The following DPP10 variants were observed in gnomAD, a reference collection of about 807,000 sequenced individuals.
The protein encoded by DPP10 is dipeptidyl peptidase like 10, also known as inactive dipeptidyl peptidase 10.
Under a neutral mutation model 120.9 loss-of-function variants are expected in DPP10, and 33 were observed. That is an observed-to-expected ratio of 0.27 (90% confidence interval 0.21 to 0.37). The LOEUF is 0.37. Among genes scored for constraint, DPP10 ranks in the 10% least tolerant of loss-of-function variants. The pLI is 1.00. For missense variants in DPP10, 816 were observed against 942.8 expected, an observed-to-expected ratio of 0.87 and a Z score of 1.76; for synonymous variants, 337 against 326.1, an observed-to-expected ratio of 1.03 and a Z score of -0.36.
intron 1 of DPP10, among the ~76,000 whole-genome samples, chr2:114,879,658 G>T (rs1574403211): frequency 6.6e-6 from 1 of 151,876 alleles, no homozygotes; most frequent in Non-Finnish European, 1.5e-5. Flanking sequence ...TGGGGGTCTT[G>T]GTGTCTTTGT....
At chr2:115,813,904 AG>A (rs1686941242) in intron 19 of DPP10, among the ~76,000 whole-genome samples, 2 of 152,206 alleles carry the variant, frequency 1.3e-5, no homozygotes, top group Admixed American at 6.5e-5. Flanking sequence ...AGATCCTTTC[AG>A]GGTTGGATGT....
At chr2:115,128,413 T>G (rs1479718222) in intron 1 of DPP10, among the ~76,000 whole-genome samples, 1 of 152,154 alleles carries the variant, frequency 6.6e-6, no homozygotes, top group Non-Finnish European at 1.5e-5. Context: ...CTAATTGCAA[T>G]TGCACTTAAA....
chr2:115,275,707 T>C (rs982149550), intron 1 of DPP10, among the ~76,000 whole-genome samples: 8 of 148,068 alleles, frequency 5.4e-5, no homozygotes, highest in South Asian at 2.1e-4. Context: ...TTTTCTTTTT[T>C]TTTTTTTTTT....
chr2:115,740,349 G>T (rs1420807145), intron 9 of DPP10, among the ~76,000 whole-genome samples: 3 of 151,992 alleles, frequency 2.0e-5, no homozygotes, highest in Non-Finnish European at 2.9e-5. Context: ...ATATGTTAAT[G>T]TATATTATAA....
At chr2:115,332,671 T>A (rs962134831) in intron 2 of DPP10, among the ~76,000 whole-genome samples, 29 of 152,212 alleles carry the variant, frequency 1.9e-4, no homozygotes, top group African/African-American at 7.0e-4. Flanking sequence ...TCTGCCTTCA[T>A]TTTGTTATGT....
chr2:115,748,110 C>G (rs1678234489), intron 10 of DPP10, among the ~76,000 whole-genome samples: 2 of 152,088 alleles, frequency 1.3e-5, no homozygotes, highest in South Asian at 4.1e-4. Context: ...GTCCTCTCTT[C>G]TCTTTGATGT....
At chr2:114,652,072 G>A (rs1696629307) in intron 1 of DPP10, among the ~76,000 whole-genome samples, 1 of 152,124 alleles carries the variant, frequency 6.6e-6, no homozygotes, top group Non-Finnish European at 1.5e-5. Context: ...GCGTGCAAGG[G>A]ATGACAAAGG....
chr2:114,830,301 T>C (rs1055870352), intron 1 of DPP10, among the ~76,000 whole-genome samples: 1 of 152,166 alleles, frequency 6.6e-6, no homozygotes, highest in Non-Finnish European at 1.5e-5. Context: ...CGAGATTCAG[T>C]CAACCTGCTT....
At chr2:114,962,675 C>T (rs569448014) in intron 1 of DPP10, among the ~76,000 whole-genome samples, 1 of 152,170 alleles carries the variant, frequency 6.6e-6, no homozygotes, top group Admixed American at 6.5e-5. Flanking sequence ...GTAACCACGG[C>T]CTATCTCAGC....
intron 1 of DPP10, among the ~76,000 whole-genome samples, chr2:115,007,761 C>A (rs1701962695): frequency 6.7e-6 from 1 of 150,346 alleles, no homozygotes; most frequent in Admixed American, 6.6e-5. Context: ...GCAAAAATCA[C>A]AAGCATTCCT....
intron 1 of DPP10, among the ~76,000 whole-genome samples, chr2:114,745,488 T>C (rs1361614788): frequency 6.6e-6 from 1 of 152,192 alleles, no homozygotes; most frequent in Non-Finnish European, 1.5e-5. Flanking sequence ...AAAATTGGAT[T>C]CTAGTCTGCA....
chr2:115,809,141 A>G (rs17045032), intron 19 of DPP10, among the ~76,000 whole-genome samples: 1,965 of 152,320 alleles, frequency 0.013, 45 homozygotes, highest in African/African-American at 0.042. Flanking sequence ...AGTGTATGAG[A>G]AAATTCATTC....
At chr2:114,648,994 A>C (rs999459121) in intron 1 of DPP10, among the ~76,000 whole-genome samples, 6 of 152,236 alleles carry the variant, frequency 3.9e-5, no homozygotes, top group African/African-American at 1.2e-4. Flanking sequence ...GGAAAAGCAC[A>C]ACTAACGTGG....
chr2:115,786,425 G>T (rs1032781381), intron 17 of DPP10, among the ~76,000 whole-genome samples: 6 of 152,130 alleles, frequency 3.9e-5, no homozygotes, highest in African/African-American at 1.4e-4. Flanking sequence ...TTTGTTCAAT[G>T]ATAAACCTTT....
At chr2:114,499,513 G>A (rs1179037355) in intron 1 of DPP10, among the ~76,000 whole-genome samples, 1 of 151,574 alleles carries the variant, frequency 6.6e-6, no homozygotes, top group Non-Finnish European at 1.5e-5. Context: ...CTTCACTTCT[G>A]CTGTTTTGGG....
intron 1 of DPP10, among the ~76,000 whole-genome samples, chr2:115,203,042 A>G (rs1292106726): frequency 6.6e-6 from 1 of 152,230 alleles, no homozygotes; most frequent in South Asian, 2.1e-4. Flanking sequence ...ATTTCAATAT[A>G]TGGCCAACTC....
intron 1 of DPP10, among the ~76,000 whole-genome samples, chr2:114,873,577 C>T (rs957470114): frequency 6.6e-6 from 1 of 152,238 alleles, no homozygotes; most frequent in East Asian, 1.9e-4. Context: ...GCTGTCATGG[C>T]TGCGTGGCTT....
At chr2:114,585,899 T>C (rs763713520) in intron 1 of DPP10, among the ~76,000 whole-genome samples, 2 of 152,032 alleles carry the variant, frequency 1.3e-5, no homozygotes, top group Non-Finnish European at 2.9e-5. Context: ...ACATAGAAAA[T>C]TGAGAATGAT....
At chr2:114,598,915 C>T (rs1277915526) in intron 1 of DPP10, among the ~76,000 whole-genome samples, 1 of 151,662 alleles carries the variant, frequency 6.6e-6, no homozygotes, top group East Asian at 1.9e-4. Context: ...TTATGTGTGG[C>T]CTGACTTCTC....
Sources: gnomAD v4.1 joint callset for allele counts (sites outside exome capture counted in the v4.1 genomes callset) on GRCh38, gnomAD v4.1.1 for gene constraint, MANE v1.5 for transcripts, NCBI Gene and HGNC (gene_info 2026-07-23, HGNC 2026-07-21) for gene names.